The following CDKAL1 variants were observed in gnomAD, a reference collection of about 807,000 sequenced individuals.
CDKAL1 encodes the protein CDKAL1 threonylcarbamoyladenosine tRNA methylthiotransferase.
CDKAL1 carries 32 observed loss-of-function variants against 68.2 expected under a neutral mutation model. That is an observed-to-expected ratio of 0.47 (90% CI 0.35 to 0.63). The LOEUF (loss-of-function observed/expected upper bound fraction) is 0.63. CDKAL1 is among the 30% of genes least tolerant of loss of function. The probability of loss-of-function intolerance (pLI) is 0.00; values close to 1 mark genes in which losing one functional copy is unlikely to be tolerated. For synonymous variants in CDKAL1, 234 were observed against 244.3 expected (o/e 0.96, Z 0.39); for missense variants, 606 against 696.7 (o/e 0.87, Z 1.47).
intron 4 of CDKAL1, among the ~76,000 whole-genome samples, chr6:20,645,276 C>G (rs11970417): frequency 0.23 from 35,122 of 151,960 alleles, 4,419 homozygotes; most frequent in African/African-American, 0.3. Flanking sequence ...ATTTTTCTTT[C>G]ATAATAATAA....
intron 12 of CDKAL1, among the ~76,000 whole-genome samples, chr6:21,106,512 G>C (rs1773848399): frequency 1.3e-5 from 2 of 152,180 alleles, no homozygotes; most frequent in South Asian, 4.1e-4. Context: ...GGAGCCCAAG[G>C]CTGCAGTGAG....
At chr6:20,961,500 G>T (rs1163238342) in intron 10 of CDKAL1, among the ~76,000 whole-genome samples, 1 of 152,178 alleles carries the variant, frequency 6.6e-6, no homozygotes, top group Non-Finnish European at 1.5e-5. Flanking sequence ...GGGCGCAGTG[G>T]CTCACGCCTG....
At chr6:20,604,701 A>C (rs1244226466) in intron 4 of CDKAL1, among the ~76,000 whole-genome samples, 2 of 152,204 alleles carry the variant, frequency 1.3e-5, no homozygotes. Flanking sequence ...AGAATGGCTT[A>C]CTGAATACTC....
chr6:20,578,392 T>C (rs977328025), intron 4 of CDKAL1, among the ~76,000 whole-genome samples: 1 of 152,170 alleles, frequency 6.6e-6, no homozygotes, highest in Non-Finnish European at 1.5e-5. Flanking sequence ...GATTCTGATT[T>C]CACTTGTTCT....
In CDKAL1 at chr6:21,231,426, TTTG is replaced by T. The variant is rs1779971128; in HGVS notation, c.*390_*392del. 1 of 156,422 alleles carries T rather than the reference TTTG, an allele frequency of 6.4e-6. No homozygotes were observed. The allele number at this position is 156,422 out of a possible 1,614,324, so 9.7% of individuals were successfully genotyped here. A position where few individuals can be genotyped will look rare whatever the true frequency, so the allele number is the denominator to read the frequency against. On this transcript the variant is annotated 3_prime_UTR_variant, in exon 16 of 16. Transcript: ENST00000274695. ...TTTTCTATCTTTAATAAACTTTTTCTTTGTTTTTTTTTTCCAGATGGAGTTTCG... is the reference window on the plus strand; with the variant it reads ...TTTTCTATCTTTAATAAACTTTTTCTTTTTTTTTTTCCAGATGGAGTTTCG...
intron 11 of CDKAL1, among the ~76,000 whole-genome samples, chr6:21,022,622 A>T (rs549607327): frequency 5.3e-5 from 8 of 152,196 alleles, no homozygotes; most frequent in African/African-American, 9.6e-5. Flanking sequence ...GGGAAGGGGG[A>T]TGGCCCTTCT....
At chr6:20,930,568 AC>A (rs913553466) in intron 9 of CDKAL1, among the ~76,000 whole-genome samples, 2 of 152,158 alleles carry the variant, frequency 1.3e-5, no homozygotes, top group Non-Finnish European at 2.9e-5. Flanking sequence ...AGTAAACAAA[AC>A]CCATGTCGAA....
chr6:20,667,645 G>C lies in CDKAL1; in HGVS notation c.371+18268G>C, dbSNP rs151125245. On this transcript the variant is annotated intron_variant, in intron 5 of 15. Transcript: ENST00000274695. ...TTCCTTATTTTTTCTCTTCTGCCACGTTCAATGTGATGGCTTGGTCTTCAG... is the reference window on the plus strand; with the variant it reads ...TTCCTTATTTTTTCTCTTCTGCCACCTTCAATGTGATGGCTTGGTCTTCAG... Among the ~76,000 whole-genome samples the C allele has an allele frequency of 3.3e-3, 505 of 152,110 alleles. 6 individuals carry two copies. Among genetic ancestry groups the C allele is most frequent in the African/African-American group, 0.011 (473 of 41,512 alleles).
chr6:20,917,250 G>A (rs1328164597), intron 9 of CDKAL1, among the ~76,000 whole-genome samples: 1 of 152,002 alleles, frequency 6.6e-6, no homozygotes, highest in Non-Finnish European at 1.5e-5. Flanking sequence ...CAAAGTGCTG[G>A]GATTACAGAC....
At chr6:20,554,242 G>A (rs983682343) in intron 4 of CDKAL1, among the ~76,000 whole-genome samples, 1 of 152,232 alleles carries the variant, frequency 6.6e-6, no homozygotes, top group Non-Finnish European at 1.5e-5. Flanking sequence ...TGGGTACATG[G>A]ATATGTGATA....
chr6:21,166,383 T>A (rs1330037371), intron 13 of CDKAL1, among the ~76,000 whole-genome samples: 1 of 152,162 alleles, frequency 6.6e-6, no homozygotes, highest in Non-Finnish European at 1.5e-5. Flanking sequence ...AAAATTCCCC[T>A]ACCAGTTTTA....
At chr6:21,201,883 G>C (rs1778705261) in intron 15 of CDKAL1, among the ~76,000 whole-genome samples, 1 of 151,934 alleles carries the variant, frequency 6.6e-6, no homozygotes, top group Non-Finnish European at 1.5e-5. Context: ...AGCTGATGGA[G>C]TGTGAAATGA....
chr6:20,661,081 C>T (rs948288866), intron 5 of CDKAL1, among the ~76,000 whole-genome samples: 3 of 152,058 alleles, frequency 2.0e-5, no homozygotes, highest in South Asian at 2.1e-4. Context: ...AGTGATGTCT[C>T]TGTTATTGAC....
intron 9 of CDKAL1, among the ~76,000 whole-genome samples, chr6:20,953,460 GC>G (rs1764635544): frequency 6.6e-6 from 1 of 152,128 alleles, no homozygotes. Flanking sequence ...TTGCTCAAAT[GC>G]CAGTAACTGG....
intron 8 of CDKAL1, among the ~76,000 whole-genome samples, chr6:20,817,217 C>A (rs76890403): frequency 3.9e-5 from 6 of 152,048 alleles, no homozygotes; most frequent in Non-Finnish European, 8.8e-5. Flanking sequence ...TATTAATATA[C>A]GTACCTGCAG....
At chr6:20,830,914 G>A (rs1162879285) in intron 8 of CDKAL1, among the ~76,000 whole-genome samples, 1 of 105,770 alleles carries the variant, frequency 9.5e-6, no homozygotes, top group Non-Finnish European at 2.0e-5. Context: ...ACAAATATAT[G>A]TTTTTAGATT....
intron 8 of CDKAL1, among the ~76,000 whole-genome samples, chr6:20,813,739 A>G (rs1776919440): frequency 6.6e-6 from 1 of 152,192 alleles, no homozygotes; most frequent in Non-Finnish European, 1.5e-5. Context: ...GTCGATACTC[A>G]ACTGACTCTA....
intron 11 of CDKAL1, among the ~76,000 whole-genome samples, chr6:21,062,144 A>G (rs1175137540): frequency 6.6e-6 from 1 of 152,212 alleles, no homozygotes; most frequent in South Asian, 2.1e-4. Flanking sequence ...TCAGTAAGGT[A>G]CTTTCCTGTG....
At chr6:21,166,114 G>T (rs1290771662) in intron 13 of CDKAL1, among the ~76,000 whole-genome samples, 1 of 152,198 alleles carries the variant, frequency 6.6e-6, no homozygotes, top group Non-Finnish European at 1.5e-5. Flanking sequence ...AACAGAGCCA[G>T]TACAGAATTA....
Sources: allele counts gnomAD v4.1 joint callset (sites outside exome capture counted in the v4.1 genomes callset), GRCh38; gene constraint gnomAD v4.1.1; transcripts MANE v1.5; gene names NCBI Gene and HGNC (gene_info 2026-07-23, HGNC 2026-07-21).